PDZD2: variants seen among roughly 807,000 people sequenced by gnomAD.
PDZD2 encodes the protein PDZ domain containing 2.
Under a neutral mutation model 220.7 loss-of-function variants are expected in PDZD2, and 90 were observed. The observed-to-expected ratio is 0.41, with a 90% CI of 0.34 to 0.49. The LOEUF is 0.49. Among genes scored for constraint, PDZD2 ranks in the 20% least tolerant of loss-of-function variants. The probability of loss-of-function intolerance (pLI) is 0.28; values close to 1 mark genes in which losing one functional copy is unlikely to be tolerated. For missense variants in PDZD2, 3,174 were observed against 3,608.5 expected, an observed-to-expected ratio of 0.88 and a Z score of 3.08; for synonymous variants, 1,375 against 1,450.5, an observed-to-expected ratio of 0.95 and a Z score of 1.18.
chr5:31,862,663 C>A (rs1387742681), intron 2 of PDZD2, among the ~76,000 whole-genome samples: 1 of 150,932 alleles, frequency 6.6e-6, no homozygotes, highest in Non-Finnish European at 1.5e-5. Context: ...CAGGTTCAAG[C>A]AATTCTCCTA....
rs144009405 is a variant in PDZD2 at position 31,808,792 on chromosome 5, C to T, written c.476+9068C>T. Among the ~76,000 whole-genome samples the T allele has an allele frequency of 6.2e-3, 947 of 152,100 alleles. 15 individuals are homozygous for T. Among genetic ancestry groups the T allele is most frequent in the African/African-American group, 0.022 (913 of 41,484 alleles). The stretch of plus-strand genomic sequence containing the variant: ...AGGAGTTTGAGACCAGCCTGGCCAA[C>T]ATAGTGAAACCCCATCTCTACTAGA... On this transcript the variant is annotated intron_variant, in intron 2 of 24. Coordinates refer to ENST00000438447, the MANE Select transcript of PDZD2 (RefSeq NM_178140.4).
chr5:32,095,903 G>GTT (rs1743636009), intron 21 of PDZD2, among the ~76,000 whole-genome samples: 1 of 145,000 alleles, frequency 6.9e-6, no homozygotes, highest in East Asian at 2.0e-4. Context: ...ACCATGCCCG[G>GTT]CTTTTTTTTT....
intron 1 of PDZD2, among the ~76,000 whole-genome samples, chr5:31,745,640 T>C (rs996951590): frequency 6.6e-6 from 1 of 152,162 alleles, no homozygotes; most frequent in African/African-American, 2.4e-5. Context: ...TCCATTAGCC[T>C]TTTAGCCTTC....
At chr5:32,050,242 T>C (rs933422072) in intron 8 of PDZD2, among the ~76,000 whole-genome samples, 4 of 152,076 alleles carry the variant, frequency 2.6e-5, no homozygotes, top group Non-Finnish European at 5.9e-5. Flanking sequence ...TGTCAGGCTG[T>C]GTGAAAGATG....
intron 2 of PDZD2, among the ~76,000 whole-genome samples, chr5:31,838,816 G>C (rs62360835): frequency 6.6e-6 from 1 of 152,140 alleles, no homozygotes; most frequent in East Asian, 1.9e-4. Context: ...ATTCCCAAGA[G>C]GCCAGGTCTG....
intron 2 of PDZD2, among the ~76,000 whole-genome samples, chr5:31,884,332 T>C (rs1237230383): frequency 6.6e-6 from 1 of 152,224 alleles, no homozygotes. Flanking sequence ...TTAGGAGGCC[T>C]TAGGCTTATC....
At chr5:31,715,316 T>A (rs1748381838) in intron 1 of PDZD2, among the ~76,000 whole-genome samples, 1 of 152,162 alleles carries the variant, frequency 6.6e-6, no homozygotes, top group African/African-American at 2.4e-5. Context: ...CACACATGGC[T>A]GACATACCTG....
At chr5:31,954,744 T>G (rs1020741098) in intron 2 of PDZD2, among the ~76,000 whole-genome samples, 1 of 152,032 alleles carries the variant, frequency 6.6e-6, no homozygotes, top group Non-Finnish European at 1.5e-5. Flanking sequence ...CTGGCTAACA[T>G]GGTGAAACCC....
intron 2 of PDZD2, among the ~76,000 whole-genome samples, chr5:31,832,126 C>G (rs566852088): frequency 6.6e-6 from 1 of 152,208 alleles, no homozygotes; most frequent in South Asian, 2.1e-4. Context: ...CTTGTAGACT[C>G]AAGTGATCCT....
chr5:32,077,122 A>G (rs184398100), intron 18 of PDZD2, among the ~76,000 whole-genome samples: 1 of 152,288 alleles, frequency 6.6e-6, no homozygotes, highest in East Asian at 1.9e-4. Flanking sequence ...AGTCTTGGAT[A>G]TCTCTATGCA....
chr5:31,774,180 C>T (rs751533482), intron 1 of PDZD2, among the ~76,000 whole-genome samples: 2 of 152,100 alleles, frequency 1.3e-5, no homozygotes, highest in Admixed American at 6.6e-5. Flanking sequence ...TCTGCTCACC[C>T]GTTCTTATTT....
intron 2 of PDZD2, among the ~76,000 whole-genome samples, chr5:31,872,473 A>G (rs1164321253): frequency 1.3e-5 from 2 of 152,204 alleles, no homozygotes; most frequent in African/African-American, 4.8e-5. Flanking sequence ...ACATCCAACA[A>G]GAGGCCACCT....
intron 6 of PDZD2, among the ~76,000 whole-genome samples, chr5:32,024,979 G>A (rs911362027): frequency 1.3e-5 from 2 of 152,240 alleles, no homozygotes; most frequent in Non-Finnish European, 2.9e-5. Flanking sequence ...GAGCCCTGCT[G>A]TAGGTGATCA....
chr5:31,968,658 AAAAC>A lies in PDZD2; in HGVS notation c.477-14481_477-14478del, dbSNP rs569612591. 7.6e-4 allele frequency among the ~76,000 whole-genome samples: 113 copies of A among 149,272 alleles called. 1 individual carries two copies. In the South Asian group the frequency reaches 0.011, roughly 15 times the overall value. ...CAACAAGAGCGAAATTCTGTCTCAA[AAAAC>A]AAACAAACAAACAAAAAAAACAACC... On this transcript the variant is annotated intron_variant, in intron 2 of 24. Coordinates refer to ENST00000438447, the MANE Select transcript of PDZD2 (RefSeq NM_178140.4).
In PDZD2 at chr5:31,767,786, C is replaced by T. The variant is rs191245515; in HGVS notation, c.-360-31103C>T. On this transcript the variant is annotated intron_variant, in intron 1 of 24. Coordinates refer to ENST00000438447, the MANE Select transcript of PDZD2 (RefSeq NM_178140.4). ...CTCCTTTGAGCCTGAGAACAAGGTT[C>T]CTGGCCTGTCCCTAGTCTCTCCTTG... Among the ~76,000 whole-genome samples, 694 of 152,354 alleles carry T rather than the reference C, an allele frequency of 4.6e-3. 2 individuals carry two copies. The highest frequency in any genetic ancestry group is 0.027 in the Middle Eastern group (8 of 294).
intron 1 of PDZD2, among the ~76,000 whole-genome samples, chr5:31,782,149 A>G (rs1447787185): frequency 6.6e-6 from 1 of 152,214 alleles, no homozygotes; most frequent in Admixed American, 6.5e-5. Flanking sequence ...CATGCAGGTC[A>G]CAGACTCTGA....
At chr5:31,905,628 G>C (rs1329290823) in intron 2 of PDZD2, among the ~76,000 whole-genome samples, 4 of 152,230 alleles carry the variant, frequency 2.6e-5, no homozygotes, top group African/African-American at 9.6e-5. Context: ...GGTCAGGAAA[G>C]TATTTTCTCA....
intron 2 of PDZD2, among the ~76,000 whole-genome samples, chr5:31,871,513 A>G (rs1248144045): frequency 1.3e-5 from 2 of 150,834 alleles, no homozygotes; most frequent in East Asian, 4.0e-4. Context: ...GTGCGGTGAC[A>G]TGATCTCGGC....
At chr5:31,906,886 T>C (rs10069892) in intron 2 of PDZD2, among the ~76,000 whole-genome samples, 9,109 of 152,234 alleles carry the variant, frequency 0.06, 899 homozygotes, top group African/African-American at 0.21. Context: ...ATATCTAGAA[T>C]AGAATATTTG....
Sources: gnomAD v4.1 joint callset for allele counts (sites outside exome capture counted in the v4.1 genomes callset) on GRCh38, gnomAD v4.1.1 for gene constraint, MANE v1.5 for transcripts, NCBI Gene and HGNC (gene_info 2026-07-23, HGNC 2026-07-21) for gene names.